Variants in PPP1R21 observed in about 807,000 individuals in gnomAD.
PPP1R21 encodes the protein protein phosphatase 1 regulatory subunit 21.
Under a neutral mutation model 112.8 loss-of-function variants are expected in PPP1R21, and 85 were observed. That is an observed-to-expected ratio of 0.75 (90% CI 0.63 to 0.90). The LOEUF is 0.90. Among genes scored for constraint, PPP1R21 ranks in the 40% least tolerant of loss-of-function variants. PPP1R21 has a pLI of 0.00. For missense variants in PPP1R21, 1,199 were observed against 901.5 expected (o/e 1.33, Z -4.23); for synonymous variants, 381 against 322.3 (o/e 1.18, Z -1.95).
In PPP1R21 at chr2:48,471,445, C is replaced by T. The variant is rs971431612; in HGVS notation, c.1088+78C>T. 3 of 1,371,178 alleles carry T rather than the reference C, an allele frequency of 2.2e-6. No individual in the cohort carries two copies. The African/African-American group carries it at 4.4e-5, about 20-fold the overall frequency. The allele number at this position is 1,371,178 out of a possible 1,614,324, so 84.9% of individuals were successfully genotyped here. A position where few individuals can be genotyped will look rare whatever the true frequency, so the allele number is the denominator to read the frequency against. On this transcript the variant is annotated intron_variant, in intron 11 of 21. Transcript: ENST00000294952. ...CTGGCTGGCGTTAATAAAATATTAA[C>T]ATGTGCCTCTTGTGATCTGCCTGAC...
chr2:48,501,790 C>T lies in PPP1R21; in HGVS notation c.1935+3055C>T, dbSNP rs1459071016. On this transcript the variant is annotated intron_variant, in intron 17 of 21. Coordinates refer to ENST00000294952, the MANE Select transcript of PPP1R21 (RefSeq NM_001135629.3). ...TGCCACTGTACTCCAGCCTGGACAA[C>T]AGATTGAGGCCTTGACTCTAAAAAA... 2.0e-5 allele frequency: 3 copies of T among 150,872 alleles called. No homozygotes were observed. In the East Asian group the frequency reaches 5.8e-4, roughly 29 times the overall value. The allele number at this position is 150,872 out of a possible 1,614,324, so 9.3% of individuals were successfully genotyped here.
chr2:48,456,151 A>G (rs940836626), intron 3 of PPP1R21, among the ~76,000 whole-genome samples: 2 of 150,398 alleles, frequency 1.3e-5, no homozygotes, highest in Admixed American at 6.6e-5. Context: ...TTTAGAGATG[A>G]GTTTTTTTGC....
chr2:48,448,327 C>T (rs1487920397), intron 1 of PPP1R21, among the ~76,000 whole-genome samples: 1 of 152,164 alleles, frequency 6.6e-6, no homozygotes, highest in African/African-American at 2.4e-5. Context: ...ACAGCAATAG[C>T]TTGAAAGTTT....
chr2:48,469,517 T>TAGAGC lies in PPP1R21; in HGVS notation c.898-1569_898-1568insGAGCA, dbSNP rs1572852968. Among the ~76,000 whole-genome samples the TAGAGC allele has an allele frequency of 1.7e-4, 11 of 66,352 alleles. No homozygotes were observed. In the East Asian group the frequency reaches 2.1e-3, roughly 13 times the overall value. The allele number at this position is 66,352 out of a possible 152,430, so 43.5% of individuals were successfully genotyped here. On this transcript the variant is annotated intron_variant, in intron 9 of 21. Coordinates refer to ENST00000294952, the MANE Select transcript of PPP1R21 (RefSeq NM_001135629.3). The stretch of plus-strand genomic sequence containing the variant: ...TATATATATATATAGAGCATATATA[T>TAGAGC]ATATATATATATATATATAGAGCAT...
intron 17 of PPP1R21, among the ~76,000 whole-genome samples, chr2:48,502,363 C>A (rs983387561): frequency 2.6e-5 from 4 of 152,074 alleles, no homozygotes; most frequent in African/African-American, 9.7e-5. Context: ...CCGAAAATAA[C>A]CTGGAGTCTT....
Position 48,446,083 on chromosome 2 carries a change from T to G in PPP1R21, c.58-4925T>G, listed in dbSNP as rs150077825. Among the ~76,000 whole-genome samples the G allele has an allele frequency of 2.1e-3, 317 of 152,172 alleles. 6 individuals carry two copies. The highest frequency in any genetic ancestry group is 7.1e-3 in the African/African-American group (296 of 41,542). On this transcript the variant is annotated intron_variant, in intron 1 of 21. Coordinates refer to ENST00000294952, the MANE Select transcript of PPP1R21 (RefSeq NM_001135629.3). Reference sequence around the variant, plus strand: ...TGTTTAAAAGTTTATTTTATAGGGTTGTAAAATATGTATAAATGTCAAAAA... The same window carrying G: ...TGTTTAAAAGTTTATTTTATAGGGTGGTAAAATATGTATAAATGTCAAAAA...
At chr2:48,453,998 C>T (rs558886975) in intron 2 of PPP1R21, among the ~76,000 whole-genome samples, 3 of 152,206 alleles carry the variant, frequency 2.0e-5, no homozygotes, top group Non-Finnish European at 4.4e-5. Flanking sequence ...GTGGCTCATG[C>T]CTGTAAACCC....
chr2:48,507,744 T>G (rs1670448353), intron 19 of PPP1R21, among the ~76,000 whole-genome samples: 1 of 135,784 alleles, frequency 7.4e-6, no homozygotes, highest in Non-Finnish European at 1.6e-5. Flanking sequence ...TGAGTGAGGC[T>G]CTGCCTTTTT....
At chr2:48,477,116 A>ATTTTTT (rs779139882) in intron 12 of PPP1R21, among the ~76,000 whole-genome samples, 16 of 114,772 alleles carry the variant, frequency 1.4e-4, no homozygotes, top group South Asian at 3.0e-4. Flanking sequence ...TTTTGAATTA[A>ATTTTTT]TTTTTTTTTT....
rs559283349 is a variant in PPP1R21 at position 48,446,788 on chromosome 2, C to T, written c.58-4220C>T. ...TTAATTGATTGATTTGCTCTGTCTC[C>T]TAGGCTGGAGTGCAGTGGTGTGATC... On this transcript the variant is annotated intron_variant, in intron 1 of 21. Coordinates refer to ENST00000294952, the MANE Select transcript of PPP1R21 (RefSeq NM_001135629.3). Among the ~76,000 whole-genome samples, 11 of 152,232 alleles carry T rather than the reference C, an allele frequency of 7.2e-5. No homozygotes were observed. The South Asian group carries it at 1.7e-3, about 23-fold the overall frequency.
At chr2:48,484,383 C>G (rs1379855054) in intron 13 of PPP1R21, among the ~76,000 whole-genome samples, 1 of 152,002 alleles carries the variant, frequency 6.6e-6, no homozygotes, top group Non-Finnish European at 1.5e-5. Flanking sequence ...TTGGTAGACT[C>G]GTGGGAAACA....
At chr2:48,501,870 G>T (rs1359363463) in intron 17 of PPP1R21, 1 of 151,684 alleles carries the variant, frequency 6.6e-6, no homozygotes, top group Admixed American at 6.6e-5. Flanking sequence ...CCTTACTGAG[G>T]TGCTGGAATT....
At chr2:48,503,643 T>C (rs539526174) in intron 17 of PPP1R21, among the ~76,000 whole-genome samples, 1 of 152,314 alleles carries the variant, frequency 6.6e-6, no homozygotes, top group South Asian at 2.1e-4. Context: ...TAAAGTAATC[T>C]GTGTTAAAGG....
intron 18 of PPP1R21, among the ~76,000 whole-genome samples, chr2:48,505,985 A>G (rs141307684): frequency 3.1e-4 from 47 of 152,316 alleles, no homozygotes; most frequent in African/African-American, 1.1e-3. Flanking sequence ...GACCAAGTAC[A>G]GTGTACTTGG....
intron 7 of PPP1R21, 60 bp from the exon 8 acceptor site, chr2:48,464,877 A>C (rs2103818124): frequency 1.5e-6 from 2 of 1,310,818 alleles, no homozygotes; most frequent in Non-Finnish European, 1.1e-6. Flanking sequence ...TTTTGCATTT[A>C]AGTTATTTTC....
chr2:48,495,253 G>T (rs1213998534), intron 15 of PPP1R21, among the ~76,000 whole-genome samples: 2 of 151,550 alleles, frequency 1.3e-5, no homozygotes, highest in Non-Finnish European at 2.9e-5. Flanking sequence ...GTCCAGGCTA[G>T]AGTGCAATGG....
intron 12 of PPP1R21, among the ~76,000 whole-genome samples, chr2:48,475,762 G>A (rs186393735): frequency 5.3e-5 from 8 of 152,100 alleles, no homozygotes; most frequent in South Asian, 2.1e-4. Flanking sequence ...CAGGAGAATC[G>A]CGTGAGCCTG....
intron 17 of PPP1R21, among the ~76,000 whole-genome samples, chr2:48,500,049 C>T (rs1170236659): frequency 6.6e-6 from 1 of 152,122 alleles, no homozygotes; most frequent in Non-Finnish European, 1.5e-5. Context: ...CTGAAGCTCA[C>T]TGATGCTATT....
chr2:48,495,812 A>T (rs765599160), intron 16 of PPP1R21, 41 bp downstream of exon 16: 1 of 1,125,072 alleles, frequency 8.9e-7, no homozygotes, highest in South Asian at 1.2e-5. Context: ...TAAAGAACAG[A>T]AATGTTAAAT....
Sources: allele counts gnomAD v4.1 joint callset (sites outside exome capture counted in the v4.1 genomes callset), GRCh38; gene constraint gnomAD v4.1.1; transcripts MANE v1.5; gene names NCBI Gene and HGNC (gene_info 2026-07-23, HGNC 2026-07-21).